The following ASB2 variants were observed in gnomAD, a reference collection of about 807,000 sequenced individuals.
ASB2 encodes the protein ankyrin repeat and SOCS box protein 2.
In ASB2, 58 loss-of-function variants were observed where a neutral mutation model predicts 62.4. The ratio of observed to expected loss-of-function variants is 0.93; its 90% CI spans 0.75 to 1.16. The LOEUF (loss-of-function observed/expected upper bound fraction) is 1.16. Ranked by LOEUF, ASB2 falls within the 50% of genes most tolerant of loss-of-function variation. ASB2 has a pLI of 0.00. For missense variants in ASB2, 928 were observed against 887.9 expected, an observed-to-expected ratio of 1.05 and a Z score of -0.57; for synonymous variants, 386 against 385.3, an observed-to-expected ratio of 1.00 and a Z score of -0.02.
At chr14:93,948,023 C>T (rs768001862) in intron 6 of ASB2, among the ~76,000 whole-genome samples, 2 of 111,344 alleles carry the variant, frequency 1.8e-5, no homozygotes, top group African/African-American at 6.0e-5. Flanking sequence ...AAAAAAGACC[C>T]AGGGGCCTGC....
chr14:93,965,225 C>T (rs982278818), intron 1 of ASB2, among the ~76,000 whole-genome samples: 1 of 152,194 alleles, frequency 6.6e-6, no homozygotes, highest in African/African-American at 2.4e-5. Context: ...TATTTATGCT[C>T]ACTTGTTGAG....
intron 1 of ASB2, among the ~76,000 whole-genome samples, chr14:93,970,640 G>A (rs1343893347): frequency 1.3e-5 from 2 of 152,300 alleles, no homozygotes; most frequent in Non-Finnish European, 2.9e-5. Flanking sequence ...ACAGACGGGT[G>A]AATGAACGAT....
rs924936832 is a variant in ASB2, at chr14:93,947,200, C to G, written c.1052+149G>C. 7.6e-6 allele frequency: 6 copies of G among 791,258 alleles called. No homozygotes were observed. In the African/African-American group the frequency reaches 1.0e-4, roughly 14 times the overall value. 49.0% of individuals were successfully genotyped at this position (791,258 alleles called of 1,614,324 possible). A position where few individuals can be genotyped will look rare whatever the true frequency, so the allele number is the denominator to read the frequency against. On this transcript the variant is annotated intron_variant, in intron 7 of 9. Transcript: ENST00000555019. ...AACTGCTAAGGGGTTTCCCTCCTTTCCATGGGAAAGGTGATGTCCATTCTG... is the reference window on the plus strand; with the variant it reads ...AACTGCTAAGGGGTTTCCCTCCTTTGCATGGGAAAGGTGATGTCCATTCTG...
intron 6 of ASB2, among the ~76,000 whole-genome samples, chr14:93,950,488 C>A (rs1453816849): frequency 1.3e-5 from 2 of 152,188 alleles, no homozygotes; most frequent in Admixed American, 6.5e-5. Context: ...TGACCTTGGA[C>A]AAATCACTTT....
At chr14:93,956,173 A>T (rs930572923) in intron 3 of ASB2, among the ~76,000 whole-genome samples, 4 of 152,124 alleles carry the variant, frequency 2.6e-5, no homozygotes, top group African/African-American at 9.7e-5. Flanking sequence ...GGGAGGCAGA[A>T]TTATTTTCTA....
At chr14:93,961,805 G>T (rs1016581129) in intron 2 of ASB2, among the ~76,000 whole-genome samples, 2 of 152,324 alleles carry the variant, frequency 1.3e-5, no homozygotes, top group East Asian at 3.9e-4. Context: ...TGGGGACCCT[G>T]GGCCTCTGTG....
rs566710976 is a variant in ASB2 at position 93,934,602 on chromosome 14, T to C, written c.*54A>G. On this transcript the variant is annotated 3_prime_UTR_variant, in exon 10 of 10. Coordinates refer to ENST00000555019, the MANE Select transcript of ASB2 (RefSeq NM_001202429.2). ...CTTGGAGTTGGGAACACCGACGTCC[T>C]GAGACTTAGTAAGAAGAGTCTGAGG... 3 of 1,595,030 alleles carry C rather than the reference T, an allele frequency of 1.9e-6. No individual in the cohort carries two copies. In the African/African-American group the frequency reaches 4.0e-5, roughly 21 times the overall value.
At chr14:93,975,770 T>A (rs1889893396) in intron 1 of ASB2, among the ~76,000 whole-genome samples, 2 of 152,216 alleles carry the variant, frequency 1.3e-5, no homozygotes, top group African/African-American at 4.8e-5. Context: ...GAGGTCTCTG[T>A]TTCCACCCTG....
chr14:93,965,125 TC>T (rs1889548310), intron 1 of ASB2, among the ~76,000 whole-genome samples: 2 of 152,214 alleles, frequency 1.3e-5, no homozygotes, highest in South Asian at 4.1e-4. Flanking sequence ...TATTCATGCA[TC>T]ATCACATCCA....
At position 93,949,309 on chromosome 14, in the gene ASB2, C is replaced by T. The variant is rs546528532; in HGVS notation, c.880+1690G>A. 1.1e-4 allele frequency among the ~76,000 whole-genome samples: 17 copies of T among 152,324 alleles called. No individual in the cohort carries two copies. In the South Asian group the frequency reaches 2.9e-3, roughly 26 times the overall value. ...CCAGCGGAAACAGCACAGGCTTTGG[C>T]GACAGATGAGAATCAGCTGAGGCAT... On this transcript the variant is annotated intron_variant, in intron 6 of 9. Transcript: ENST00000555019.
intron 1 of ASB2, among the ~76,000 whole-genome samples, chr14:93,971,274 G>T (rs993808241): frequency 1.3e-5 from 2 of 152,082 alleles, no homozygotes; most frequent in African/African-American, 4.8e-5. Flanking sequence ...AGCTTGGGGA[G>T]GAAGGGGATC....
At position 93,964,583 on chromosome 14, in the gene ASB2, G is replaced by C. The variant is rs1889526163; in HGVS notation, c.-44C>G. On this transcript the variant is annotated 5_prime_UTR_variant, in exon 2 of 10. Coordinates refer to ENST00000555019, the MANE Select transcript of ASB2 (RefSeq NM_001202429.2). ...CTGGCCTCCAGAACAGACACCCAGT[G>C]GGGAGGAGGGAACAGCAAATCAGAA... 2.0e-6 allele frequency: 3 copies of C among 1,515,646 alleles called. No homozygotes were observed. The highest frequency in any genetic ancestry group is 2.0e-5 in the Admixed American group (1 of 50,918). 93.9% of individuals were successfully genotyped at this position (1,515,646 alleles called of 1,614,324 possible).
At chr14:93,973,586 G>T (rs1252994578) in intron 1 of ASB2, among the ~76,000 whole-genome samples, 1 of 152,214 alleles carries the variant, frequency 6.6e-6, no homozygotes, top group Non-Finnish European at 1.5e-5. Flanking sequence ...CAAGCTTCCA[G>T]TTTACTTCTT....
rs527883726 is a variant in ASB2, at chr14:93,950,983, A to G, written c.880+16T>C. 2.2e-5 allele frequency: 36 copies of G among 1,607,380 alleles called. No individual in the cohort carries two copies. The African/African-American group carries it at 3.6e-4, about 16-fold the overall frequency. On this transcript the variant is annotated intron_variant, in intron 6 of 9. Coordinates refer to ENST00000555019, the MANE Select transcript of ASB2 (RefSeq NM_001202429.2). ...CCTTTGGGGACTCCATGACCTAGGGACCCTTAGCCACTCACCGTACTTGGC... is the reference window on the plus strand; with the variant it reads ...CCTTTGGGGACTCCATGACCTAGGGGCCCTTAGCCACTCACCGTACTTGGC...
chr14:93,940,011 G>C lies in ASB2; in HGVS notation c.1053-339C>G, dbSNP rs1189274091. 25 of 303,468 alleles carry C rather than the reference G, an allele frequency of 8.2e-5. No homozygotes were observed. The East Asian group carries it at 1.4e-3, about 17-fold the overall frequency. 18.8% of individuals were successfully genotyped at this position (303,468 alleles called of 1,614,324 possible). A position where few individuals can be genotyped will look rare whatever the true frequency, so the allele number is the denominator to read the frequency against. Reference sequence around the variant, plus strand: ...TCTGAGTTCTTAAAAACCTCAGCCAGACTGCACTAGGGTTTCAAGAAGCTC... The same window carrying C: ...TCTGAGTTCTTAAAAACCTCAGCCACACTGCACTAGGGTTTCAAGAAGCTC... On this transcript the variant is annotated intron_variant, in intron 7 of 9. Coordinates refer to ENST00000555019, the MANE Select transcript of ASB2 (RefSeq NM_001202429.2).
intron 2 of ASB2, among the ~76,000 whole-genome samples, chr14:93,958,516 G>A (rs567966229): frequency 2.0e-5 from 3 of 152,142 alleles, no homozygotes; most frequent in Admixed American, 6.5e-5. Context: ...CCCCATCCCC[G>A]CTCTGTGCCT....
chr14:93,957,271 A>G (rs1889260425), intron 2 of ASB2: 1 of 1,149,890 alleles, frequency 8.7e-7, no homozygotes, highest in African/African-American at 1.6e-5. Context: ...GGCCAGGCAG[A>G]TCCCTGCGGG....
At chr14:93,939,009 G>A (rs1399572041) in intron 8 of ASB2, 99 bp downstream of exon 8, 7 of 1,093,580 alleles carry the variant, frequency 6.4e-6, no homozygotes, top group Middle Eastern at 3.1e-4. Flanking sequence ...TGCTCCCAAG[G>A]AGCGCGAACC....
Position 93,951,150 on chromosome 14 carries a change from G to A in ASB2, c.729C>T (p.His243=), listed in dbSNP as rs753571518. The change falls in exon 6 of 10, where the codon CAC becomes CAT. Residue 243 remains histidine (H), a synonymous_variant. Coordinates refer to ENST00000555019, the MANE Select transcript of ASB2 (RefSeq NM_001202429.2). The stretch of plus-strand genomic sequence containing the variant: ...CCAGGTCATTGCGAGACACAGACTC[G>A]TGCAGAGCGGTCCAGCCGCGGTTGC... ...HRCNRGWTAL[H]ESVSRNDLEV... The A allele has an allele frequency of 2.3e-5, 37 of 1,614,026 alleles. No homozygotes were observed. The highest frequency in any genetic ancestry group is 1.2e-4 in the Admixed American group (7 of 60,012).
Sources: allele counts gnomAD v4.1 joint callset (sites outside exome capture counted in the v4.1 genomes callset), GRCh38; gene constraint gnomAD v4.1.1; transcripts MANE v1.5; gene names NCBI Gene and HGNC (gene_info 2026-07-23, HGNC 2026-07-21).